Variants in PLCB4 observed in about 807,000 individuals in gnomAD.
The protein encoded by PLCB4 is phospholipase C beta 4, also known as 1-phosphatidylinositol 4,5-bisphosphate phosphodiesterase beta-4.
A neutral mutation model predicts 178.8 loss-of-function variants in PLCB4; 77 were observed. That is an observed-to-expected ratio of 0.43 (90% CI 0.36 to 0.52). The LOEUF (loss-of-function observed/expected upper bound fraction) is 0.52. PLCB4 is among the 20% of genes least tolerant of loss of function. The pLI, the probability that PLCB4 is intolerant of heterozygous loss-of-function variation, is 0.00. For synonymous variants in PLCB4, 496 were observed against 490.8 expected (o/e 1.01, Z -0.14); for missense variants, 1,024 against 1,453.4 (o/e 0.70, Z 4.80).
At chr20:9,319,429 A>G (rs565292801) in intron 4 of PLCB4, among the ~76,000 whole-genome samples, 33 of 152,274 alleles carry the variant, frequency 2.2e-4, no homozygotes, top group African/African-American at 7.2e-4. Context: ...AATGGGATAT[A>G]TAGAGATATA....
rs74706768 is a variant in PLCB4 at position 9,456,395 on chromosome 20, G to C, written c.2997-1019G>C. 6.8e-3 allele frequency among the ~76,000 whole-genome samples: 1,033 copies of C among 152,188 alleles called. 13 individuals are homozygous for C. Among genetic ancestry groups the C allele is most frequent in the African/African-American group, 0.024 (1,000 of 41,522 alleles). ...AAGGTGATGGTAAAAAGATGAATGG[G>C]GGAACAAGGGAAGACAAGCTAAAGT... is the stretch of plus-strand genomic sequence containing the variant. On this transcript the variant is annotated intron_variant, in intron 33 of 39. Transcript: ENST00000378473.
chr20:9,124,839 G>T (rs1196105952), intron 2 of PLCB4, among the ~76,000 whole-genome samples: 1 of 152,044 alleles, frequency 6.6e-6, no homozygotes, highest in Non-Finnish European at 1.5e-5. Flanking sequence ...ACTTTGTTTT[G>T]CAGTGTTAGT....
intron 24 of PLCB4, 76 bp from the exon 25 acceptor site, chr20:9,410,961 A>G (rs1032152484): frequency 4.0e-6 from 4 of 1,008,650 alleles, no homozygotes; most frequent in East Asian, 2.4e-5. Flanking sequence ...TCTGATACCT[A>G]TTGTTTCAAA....
intron 3 of PLCB4, among the ~76,000 whole-genome samples, chr20:9,240,420 A>T (rs1395813809): frequency 2.0e-5 from 3 of 152,094 alleles, no homozygotes; most frequent in African/African-American, 7.2e-5. Flanking sequence ...TTTTGTAACT[A>T]TATTATTTCT....
chr20:9,380,133 A>C lies in PLCB4; in HGVS notation c.824A>C (p.Tyr275Ser). 6.4e-7 allele frequency: 1 copy of C among 1,551,992 alleles called. No homozygotes were observed. ...AGGGCAATGCAGATCATTGAGATGTATGAACCTGATGAAGATTTGAAGAAA... is the reference window on the plus strand; with the variant it reads ...AGGGCAATGCAGATCATTGAGATGTCTGAACCTGATGAAGATTTGAAGAAA... ...AKRAMQIIEM[Y>S]EPDEDLKKKG... The change falls in exon 13 of 40, where the codon TAT becomes TCT. Residue 275 changes from tyrosine to serine, a missense_variant. Around this residue, in one of 7 missense-constraint regions of PLCB4, gnomAD observed 37 missense variants for 28.6 expected, o/e 1.30. Coordinates refer to ENST00000378473, the MANE Select transcript of PLCB4 (RefSeq NM_001377142.1).
chr20:9,223,322 T>A (rs1179439461), intron 3 of PLCB4, among the ~76,000 whole-genome samples: 1 of 152,218 alleles, frequency 6.6e-6, no homozygotes, highest in Non-Finnish European at 1.5e-5. Context: ...ATCACCATGA[T>A]ATAGTATATA....
chr20:9,476,396 G>A (rs574449294), intron 38 of PLCB4, among the ~76,000 whole-genome samples: 1 of 152,210 alleles, frequency 6.6e-6, no homozygotes. Context: ...CTCAAAAATT[G>A]ATTTTTATCA....
intron 7 of PLCB4, among the ~76,000 whole-genome samples, chr20:9,352,578 G>A (rs188638264): frequency 1.8e-4 from 27 of 152,266 alleles, no homozygotes; most frequent in African/African-American, 6.3e-4. Context: ...GACCTAACTG[G>A]CCAGTGTTGT....
intron 2 of PLCB4, among the ~76,000 whole-genome samples, chr20:9,106,730 A>G (rs2091378951): frequency 6.6e-6 from 1 of 152,162 alleles, no homozygotes; most frequent in Admixed American, 6.6e-5. Context: ...TGCCAATGGG[A>G]ACATAAACTG....
chr20:9,362,099 C>G (rs2035393295), intron 7 of PLCB4, among the ~76,000 whole-genome samples: 1 of 152,194 alleles, frequency 6.6e-6, no homozygotes, highest in Admixed American at 6.5e-5. Flanking sequence ...GGCCACCGTT[C>G]TATTTAACCC....
At chr20:9,368,245 T>C (rs1295200483) in intron 9 of PLCB4, among the ~76,000 whole-genome samples, 2 of 152,232 alleles carry the variant, frequency 1.3e-5, no homozygotes, top group African/African-American at 2.4e-5. Context: ...GTTGCAGGAA[T>C]AACACATGAA....
chr20:9,362,096 G>T (rs530519538), intron 7 of PLCB4, among the ~76,000 whole-genome samples: 1 of 152,128 alleles, frequency 6.6e-6, no homozygotes, highest in Admixed American at 6.5e-5. Flanking sequence ...GTGGGCCACC[G>T]TTCTATTTAA....
chr20:9,360,874 G>A (rs1187446596), intron 7 of PLCB4, among the ~76,000 whole-genome samples: 2 of 152,102 alleles, frequency 1.3e-5, no homozygotes, highest in Non-Finnish European at 2.9e-5. Flanking sequence ...TAACCCCTAA[G>A]TCTTCCCTCA....
At position 9,338,940 on chromosome 20, in the gene PLCB4, A is replaced by G. The variant is rs1343433552; in HGVS notation, c.272A>G (p.Asn91Ser). 1 of 1,613,592 alleles carries G rather than the reference A, an allele frequency of 6.2e-7. No individual in the cohort carries two copies. The highest frequency in any genetic ancestry group is 2.2e-5 in the East Asian group (1 of 44,842). Residue 91 changes from asparagine (N) to serine (S), a missense_variant, in exon 7 of 40, where the codon AAT becomes AGT. By Grantham distance (46) the Asn-to-Ser change is conservative (BLOSUM62 1). This residue lies in a region of PLCB4 where 225 missense variants were observed against 291.0 expected (regional missense o/e 0.77). Transcript: ENST00000378473. ...AALEAVGKSE[N>S]DLEGRIVCVC... ...CTTGAAGCTGTTGGAAAATCAGAAA[A>G]TGATCTGGAAGGGCGGATAGTTTGT...
intron 2 of PLCB4, among the ~76,000 whole-genome samples, chr20:9,160,355 A>G (rs2092866544): frequency 6.6e-6 from 1 of 152,164 alleles, no homozygotes; most frequent in African/African-American, 2.4e-5. Flanking sequence ...GAAGTGGACC[A>G]TGTCTGTTTA....
intron 2 of PLCB4, among the ~76,000 whole-genome samples, chr20:9,174,414 G>A (rs1305246374): frequency 1.3e-5 from 2 of 151,026 alleles, no homozygotes; most frequent in African/African-American, 4.9e-5. Flanking sequence ...CAAAGTGCTG[G>A]GATTACAGGT....
intron 1 of PLCB4, 63 bp from the exon 2 acceptor site, chr20:9,096,224 A>T (rs1307750105): frequency 6.6e-6 from 1 of 152,216 alleles, no homozygotes; most frequent in African/African-American, 2.4e-5. Context: ...GCTGGTCTTA[A>T]AAATTCACAT....
intron 2 of PLCB4, among the ~76,000 whole-genome samples, chr20:9,168,990 C>T (rs1051718169): frequency 6.6e-5 from 10 of 152,090 alleles, no homozygotes; most frequent in South Asian, 2.1e-4. Context: ...TCTCCCTTTG[C>T]GGTTGCTACA....
chr20:9,469,811 G>A (rs2044060189), intron 36 of PLCB4, among the ~76,000 whole-genome samples: 1 of 152,218 alleles, frequency 6.6e-6, no homozygotes, highest in South Asian at 2.1e-4. Flanking sequence ...GATCTGAGGA[G>A]CTGTCAATAG....
Sources: gnomAD v4.1 joint callset for allele counts (sites outside exome capture counted in the v4.1 genomes callset) on GRCh38, gnomAD v4.1.1 for gene constraint, gnomAD v4.1.1 regional missense constraint, MANE v1.5 for transcripts, NCBI Gene and HGNC (gene_info 2026-07-23, HGNC 2026-07-21) for gene names.